The following COPG1 variants were observed in gnomAD, a reference collection of about 807,000 sequenced individuals.
COPG1 encodes the protein coat protein complex I subunit gamma 1.
Under a neutral mutation model 102.8 loss-of-function variants are expected in COPG1, and 29 were observed. That is an observed-to-expected ratio of 0.28 (90% CI 0.21 to 0.38). The LOEUF is 0.38. COPG1 is among the 10% of genes least tolerant of loss of function. COPG1 has a pLI of 1.00. For missense variants in COPG1, 875 were observed against 1,132.7 expected, an observed-to-expected ratio of 0.77 and a Z score of 3.27; for synonymous variants, 406 against 421.6, an observed-to-expected ratio of 0.96 and a Z score of 0.45.
chr3:129,250,599 G>T, intron 1 of COPG1, 83 bp from the exon 2 acceptor site: 1 of 1,087,042 alleles, frequency 9.2e-7, no homozygotes, highest in Non-Finnish European at 1.4e-6. Flanking sequence ...TTCCTAGGAA[G>T]GGACATCTTC....
chr3:129,264,033 C>T, intron 13 of COPG1, 34 bp downstream of exon 13: 1 of 1,559,604 alleles, frequency 6.4e-7, no homozygotes, highest in East Asian at 2.2e-5. Flanking sequence ...GATGCCAGGT[C>T]TCCTGGTGCA....
In COPG1 at chr3:129,257,386, G is replaced by T; in HGVS notation, c.580-84G>T. On this transcript the variant is annotated intron_variant, in intron 8 of 23. Coordinates refer to ENST00000314797, the MANE Select transcript of COPG1 (RefSeq NM_016128.4). ...ACTGTGCCCATCTTAGAAATGAGAA[G>T]GCTGAAGGACCCACCCAGGGCCACA... is the stretch of plus-strand genomic sequence containing the variant. The T allele has an allele frequency of 4.1e-6, 6 of 1,461,660 alleles. 1 individual carries two copies. The South Asian group carries it at 7.2e-5, about 17-fold the overall frequency. The allele number at this position is 1,461,660 out of a possible 1,614,324, so 90.5% of individuals were successfully genotyped here.
At chr3:129,252,818 C>T in intron 4 of COPG1, 58 bp from the exon 5 acceptor site, 1 of 1,585,492 alleles carries the variant, frequency 6.3e-7, no homozygotes, top group Non-Finnish European at 8.7e-7. Context: ...GGTATCTTCT[C>T]CCAACTCTGG....
intron 7 of COPG1, 55 bp downstream of exon 7, chr3:129,255,132 T>C (rs1939780447): frequency 6.8e-6 from 8 of 1,171,966 alleles, no homozygotes; most frequent in Non-Finnish European, 1.0e-5. Flanking sequence ...TTGAAGAAAA[T>C]TTAAGAGTCA....
intron 16 of COPG1, 107 bp downstream of exon 16, chr3:129,268,147 G>A (rs1940105644): frequency 2.1e-6 from 2 of 969,914 alleles, no homozygotes; most frequent in Non-Finnish European, 3.2e-6. Context: ...GGCTGGACTT[G>A]CCTGGCAACC....
In COPG1 at chr3:129,271,895, C is replaced by A. The variant is rs1453543004; in HGVS notation, c.1972C>A (p.His658Asn). Residue 658 changes from histidine (H) to asparagine (N), a missense_variant, in exon 19 of 24, where the codon CAC (histidine) becomes AAC (asparagine). By Grantham distance (68) the His-to-Asn change is moderately conservative. Coordinates refer to ENST00000314797, the MANE Select transcript of COPG1 (RefSeq NM_016128.4). The surrounding 1 kb of genome is among the most constrained non-coding windows in gnomAD (Gnocchi z 4.7). ...CTGCACCAAACACACCTTCACCAAC[C>A]ACATGGTTTTTCAGGTGAGCAAGGT... is the stretch of plus-strand genomic sequence containing the variant. Reference protein sequence around the residue: ...IRCTKHTFTNHMVFQFDCTNT... With the variant: ...IRCTKHTFTNNMVFQFDCTNT... The A allele has an allele frequency of 6.2e-7, 1 of 1,614,058 alleles. No individual in the cohort carries two copies. Among genetic ancestry groups the A allele is most frequent in the Non-Finnish European group, 8.5e-7 (1 of 1,179,986 alleles).
At chr3:129,262,718 G>C (rs987418825) in intron 12 of COPG1, among the ~76,000 whole-genome samples, 2 of 136,386 alleles carry the variant, frequency 1.5e-5, no homozygotes, top group African/African-American at 6.1e-5. Flanking sequence ...GTGAGACCTT[G>C]TCTGAAAAAA....
intron 10 of COPG1, among the ~76,000 whole-genome samples, chr3:129,259,794 C>G (rs1046900702): frequency 6.6e-6 from 1 of 152,124 alleles, no homozygotes; most frequent in Admixed American, 6.6e-5. Flanking sequence ...AGGAAATAAA[C>G]CATTTGTTTA....
In COPG1 at chr3:129,250,722, G is replaced by A. The variant is rs1367429236; in HGVS notation, c.78G>A (p.Ala26=). ...CATTCCAGCACCTTGAGAAGAGTGC[G>A]GTACTCCAGGAGGCAAGTGACATTT... ...SNPFQHLEKS[A]VLQEARVFNE... The change falls in exon 2 of 24, where the codon GCG becomes GCA. Residue 26 remains alanine, a synonymous_variant. Transcript: ENST00000314797. 1.1e-5 allele frequency: 17 copies of A among 1,613,668 alleles called. No homozygotes were observed. The highest frequency in any genetic ancestry group is 1.3e-5 in the African/African-American group (1 of 74,850).
intron 6 of COPG1, 94 bp from the exon 7 acceptor site, chr3:129,254,890 TC>T: frequency 8.3e-7 from 1 of 1,211,470 alleles, no homozygotes; most frequent in Non-Finnish European, 1.2e-6. Flanking sequence ...AACGCTTACT[TC>T]CTCCTCATAC....
chr3:129,268,349 G>C, intron 16 of COPG1, 146 bp from the exon 17 acceptor site: 1 of 762,946 alleles, frequency 1.3e-6, no homozygotes, highest in Non-Finnish European at 2.1e-6. Flanking sequence ...ATGTGTCTGA[G>C]AATGCAGAGG....
chr3:129,268,832 G>A (rs1239362106), intron 17 of COPG1, 100 bp from the exon 18 acceptor site: 24 of 1,214,058 alleles, frequency 2.0e-5, no homozygotes, highest in East Asian at 1.9e-4. Flanking sequence ...CTCTCAGGAG[G>A]GTTAGTATTT....
intron 8 of COPG1, 29 bp downstream of exon 8, chr3:129,256,183 A>T: frequency 6.3e-7 from 1 of 1,597,820 alleles, no homozygotes; most frequent in African/African-American, 1.3e-5. Context: ...AGTGATATTT[A>T]AAACACTCAG....
Position 129,277,595 on chromosome 3 carries a change from T to G in COPG1, c.*171T>G. On this transcript the variant is annotated 3_prime_UTR_variant, in exon 24 of 24. Coordinates refer to ENST00000314797, the MANE Select transcript of COPG1 (RefSeq NM_016128.4). ...CCACCTCCCACCCGGGACTACTTGC[T>G]GGTGACTTTTTTTTTTTTTTTTTTT... is the stretch of plus-strand genomic sequence containing the variant. 1.2e-5 allele frequency: 6 copies of G among 491,982 alleles called. No homozygotes were observed. Among genetic ancestry groups the G allele is most frequent in the East Asian group, 7.6e-5 (2 of 26,254 alleles). The allele number at this position is 491,982 out of a possible 1,614,324, so 30.5% of individuals were successfully genotyped here.
chr3:129,249,674 C>G lies in COPG1; in HGVS notation c.-36C>G. 2 of 1,550,664 alleles carry G rather than the reference C, an allele frequency of 1.3e-6. No individual in the cohort carries two copies. The highest frequency in any genetic ancestry group is 1.4e-5 in the African/African-American group (1 of 73,168). On this transcript the variant is annotated 5_prime_UTR_variant, in exon 1 of 24. Coordinates refer to ENST00000314797, the MANE Select transcript of COPG1 (RefSeq NM_016128.4). The stretch of plus-strand genomic sequence containing the variant: ...GCTACTCCGTGCCGCGCCCGTCGAG[C>G]ATTGCGTTGCTGCATTGCGCCCCAC...
intron 17 of COPG1, 70 bp from the exon 18 acceptor site, chr3:129,268,862 A>G: frequency 7.1e-7 from 1 of 1,403,316 alleles, no homozygotes; most frequent in African/African-American, 1.4e-5. Flanking sequence ...GAGTAATAGC[A>G]CTGGGGTCAC....
chr3:129,266,107 G>T (rs1940054155), intron 14 of COPG1, among the ~76,000 whole-genome samples: 1 of 152,074 alleles, frequency 6.6e-6, no homozygotes. Context: ...GAGTAGGTGG[G>T]ACTACAGGTG....
intron 10 of COPG1, 44 bp downstream of exon 10, chr3:129,257,904 C>A: frequency 6.2e-7 from 1 of 1,602,910 alleles, no homozygotes; most frequent in Non-Finnish European, 8.5e-7. Flanking sequence ...TTTATGCTTG[C>A]TGGGAACTAG....
rs368123292 is a variant in COPG1 at position 129,260,271 on chromosome 3, C to T, written c.872-62C>T. ...AGGGTTTGAGTCAGAACAGTAGCCC[C>T]CGGTTTTCCCAGCTGCCCAGCAGTG... On this transcript the variant is annotated intron_variant, in intron 10 of 23. Coordinates refer to ENST00000314797, the MANE Select transcript of COPG1 (RefSeq NM_016128.4). 38 of 1,486,668 alleles carry T rather than the reference C, an allele frequency of 2.6e-5. No homozygotes were observed. In the African/African-American group the frequency reaches 5.0e-4, roughly 20 times the overall value. 92.1% of individuals were successfully genotyped at this position (1,486,668 alleles called of 1,614,324 possible).
Sources: gnomAD v4.1 joint callset for allele counts (sites outside exome capture counted in the v4.1 genomes callset) on GRCh38, gnomAD v4.1.1 for gene constraint, Gnocchi (gnomAD v3.1) non-coding constraint, MANE v1.5 for transcripts, NCBI Gene and HGNC (gene_info 2026-07-23, HGNC 2026-07-21) for gene names.